SAXO1: variants seen among roughly 807,000 people sequenced by gnomAD.
SAXO1 encodes the protein 4930500O09Rik.
SAXO1 carries 21 observed loss-of-function variants against 17.5 expected under a neutral mutation model. The ratio of observed to expected loss-of-function variants is 1.20; its 90% CI spans 0.85 to 1.72. The LOEUF is 1.72. Ranked by LOEUF, SAXO1 falls within the 40% of genes most tolerant of loss-of-function variation. The pLI is 0.00. For missense variants in SAXO1, 843 were observed against 596.0 expected (o/e 1.41, Z -4.32); for synonymous variants, 274 against 216.5 (o/e 1.27, Z -2.33).
intron 1 of SAXO1, among the ~76,000 whole-genome samples, chr9:18,998,478 T>A (rs540607636): frequency 6.6e-6 from 1 of 152,126 alleles, no homozygotes; most frequent in Non-Finnish European, 1.5e-5. Context: ...AAAGACCAAA[T>A]CTATGTCTGA....
At chr9:19,012,497 A>T (rs1834789248) in intron 1 of SAXO1, among the ~76,000 whole-genome samples, 1 of 152,226 alleles carries the variant, frequency 6.6e-6, no homozygotes, top group South Asian at 2.1e-4. Context: ...ATATCTAAAG[A>T]TATGTCAATG....
intron 2 of SAXO1, among the ~76,000 whole-genome samples, chr9:18,943,727 C>A (rs750190721): frequency 6.6e-6 from 1 of 152,228 alleles, no homozygotes; most frequent in Non-Finnish European, 1.5e-5. Context: ...TAAGCCTACA[C>A]CCTATTCATT....
intron 1 of SAXO1, among the ~76,000 whole-genome samples, chr9:18,965,281 C>A (rs942775846): frequency 3.9e-5 from 6 of 152,122 alleles, no homozygotes; most frequent in African/African-American, 1.4e-4. Flanking sequence ...TCCACTTGGT[C>A]CAGGGCTGAG....
rs181700104 is a variant in SAXO1 at position 19,000,895 on chromosome 9, A to C, written c.38+31976T>G. ...TTCAACAACAGCAGCTAACTATCCT[A>C]AATATATATGCACCCAATACAGGAG... On this transcript the variant is annotated intron_variant, in intron 1 of 3. Transcript: ENST00000380534. Among the ~76,000 whole-genome samples the C allele has an allele frequency of 1.5e-3, 229 of 152,290 alleles. 2 individuals are homozygous for C. Among genetic ancestry groups the C allele is most frequent in the African/African-American group, 5.1e-3 (213 of 41,568 alleles).
At chr9:19,028,419 A>G (rs541929210) in intron 1 of SAXO1, among the ~76,000 whole-genome samples, 40 of 152,316 alleles carry the variant, frequency 2.6e-4, no homozygotes, top group Middle Eastern at 3.4e-3. Context: ...CATTTTTTCA[A>G]TAACAGGAAA....
At chr9:18,937,876 C>A (rs1327977330) in intron 3 of SAXO1, among the ~76,000 whole-genome samples, 1 of 152,112 alleles carries the variant, frequency 6.6e-6, no homozygotes, top group Non-Finnish European at 1.5e-5. Context: ...TTTGTTACAG[C>A]AGCACAAATG....
At chr9:18,972,119 G>T (rs1196483613) in intron 1 of SAXO1, among the ~76,000 whole-genome samples, 5 of 152,182 alleles carry the variant, frequency 3.3e-5, no homozygotes, top group Non-Finnish European at 7.4e-5. Context: ...TTTCTTACTG[G>T]ACCTCCCAGA....
chr9:18,939,400 C>A (rs1162570771), intron 3 of SAXO1, among the ~76,000 whole-genome samples: 1 of 152,234 alleles, frequency 6.6e-6, no homozygotes, highest in South Asian at 2.1e-4. Context: ...CAGATCCCTG[C>A]CCCTTGGAGG....
intron 1 of SAXO1, among the ~76,000 whole-genome samples, chr9:18,965,510 T>A (rs193074800): frequency 1.3e-5 from 2 of 152,224 alleles, no homozygotes; most frequent in African/African-American, 4.8e-5. Flanking sequence ...TGTAATGCCA[T>A]TGTCTTATTT....
chr9:18,947,361 T>A (rs2131719972), intron 2 of SAXO1, among the ~76,000 whole-genome samples: 1 of 152,310 alleles, frequency 6.6e-6, no homozygotes, highest in Admixed American at 6.5e-5. Flanking sequence ...TTACTCTCCT[T>A]GGTTTACCAA....
At chr9:19,047,262 G>A (rs764363075) in intron 1 of SAXO1, among the ~76,000 whole-genome samples, 22 of 152,160 alleles carry the variant, frequency 1.4e-4, no homozygotes, top group Non-Finnish European at 1.8e-4. Context: ...TACTTGGGAG[G>A]CTGAAGCAAG....
chr9:19,013,893 C>T lies in SAXO1; in HGVS notation c.38+18978G>A, dbSNP rs994488882. Among the ~76,000 whole-genome samples the T allele has an allele frequency of 2.6e-5, 4 of 152,226 alleles. No individual in the cohort carries two copies. In the East Asian group the frequency reaches 7.7e-4, roughly 29 times the overall value. ...ATTTTACATGTTAGCAGCCAATATGCACTTTTTAGAAAAAATATTTAGCAG... is the reference window on the plus strand; with the variant it reads ...ATTTTACATGTTAGCAGCCAATATGTACTTTTTAGAAAAAATATTTAGCAG... On this transcript the variant is annotated intron_variant, in intron 1 of 3. Coordinates refer to ENST00000380534, the MANE Select transcript of SAXO1 (RefSeq NM_153707.4).
intron 1 of SAXO1, among the ~76,000 whole-genome samples, chr9:18,990,251 GA>G (rs1314435353): frequency 6.6e-6 from 1 of 150,526 alleles, no homozygotes; most frequent in African/African-American, 2.5e-5. Context: ...TTAAAAGCAA[GA>G]AAATCAAGAT....
chr9:18,938,532 C>T (rs988064656), intron 3 of SAXO1, among the ~76,000 whole-genome samples: 3 of 151,932 alleles, frequency 2.0e-5, no homozygotes, highest in Non-Finnish European at 4.4e-5. Flanking sequence ...ACTAAGGGGG[C>T]AGGGGGGTGC....
chr9:19,021,287 G>A (rs1013628742), intron 1 of SAXO1, among the ~76,000 whole-genome samples: 3 of 152,200 alleles, frequency 2.0e-5, no homozygotes, highest in African/African-American at 7.2e-5. Flanking sequence ...CAGCCAACGT[G>A]CAGAGGAAGT....
intron 1 of SAXO1, among the ~76,000 whole-genome samples, chr9:19,010,536 G>C (rs567129350): frequency 1.2e-4 from 18 of 151,792 alleles, no homozygotes; most frequent in African/African-American, 4.3e-4. Context: ...GTTAGGAGCA[G>C]AAAGATCCTG....
intron 3 of SAXO1, among the ~76,000 whole-genome samples, chr9:18,937,406 C>T (rs1353866993): frequency 6.6e-6 from 1 of 152,170 alleles, no homozygotes; most frequent in African/African-American, 2.4e-5. Flanking sequence ...TGTGTCATTC[C>T]CTGTGTTCGA....
At chr9:18,963,486 C>G (rs754572158) in intron 1 of SAXO1, among the ~76,000 whole-genome samples, 2 of 152,214 alleles carry the variant, frequency 1.3e-5, no homozygotes, top group Non-Finnish European at 2.9e-5. Context: ...TGAGCAGTGG[C>G]TTGTAGTTCT....
At chr9:19,012,879 G>A (rs191907721) in intron 1 of SAXO1, among the ~76,000 whole-genome samples, 1 of 152,170 alleles carries the variant, frequency 6.6e-6, no homozygotes, top group South Asian at 2.1e-4. Context: ...AGCTCAGGGG[G>A]CTGCTCTCTC....
Sources: allele counts gnomAD v4.1 joint callset (sites outside exome capture counted in the v4.1 genomes callset), GRCh38; gene constraint gnomAD v4.1.1; transcripts MANE v1.5; gene names NCBI Gene and HGNC (gene_info 2026-07-23, HGNC 2026-07-21).